Variants in SOX5 observed in about 807,000 individuals in gnomAD.
SOX5 encodes the protein SRY-box transcription factor 5.
Under a neutral mutation model 92.0 loss-of-function variants are expected in SOX5, and 9 were observed. The ratio of observed to expected loss-of-function variants is 0.10; its 90% confidence interval spans 0.06 to 0.17. The LOEUF (loss-of-function observed/expected upper bound fraction) is 0.17. Among genes scored for constraint, SOX5 ranks in the 10% least tolerant of loss-of-function variants. SOX5 has a pLI of 1.00. For synonymous variants in SOX5, 344 were observed against 336.3 expected (o/e 1.02, Z -0.25); for missense variants, 642 against 944.5 (o/e 0.68, Z 4.20).
At chr12:24,010,120 A>G (rs1281843465) in intron 4 of SOX5, among the ~76,000 whole-genome samples, 1 of 152,246 alleles carries the variant, frequency 6.6e-6, no homozygotes. Context: ...CAATTTCTCA[A>G]AACAAGAAAA....
At chr12:24,371,315 C>A (rs1485148404) in intron 1 of SOX5, among the ~76,000 whole-genome samples, 2 of 152,156 alleles carry the variant, frequency 1.3e-5, no homozygotes, top group African/African-American at 4.8e-5. Flanking sequence ...CTGCCAAAAA[C>A]AAGTATAAGT....
At chr12:24,444,698 A>T (rs1192754177) in intron 1 of SOX5, among the ~76,000 whole-genome samples, 4 of 152,152 alleles carry the variant, frequency 2.6e-5, no homozygotes, top group Non-Finnish European at 4.4e-5. Flanking sequence ...ACTCCATCCC[A>T]GAAGCAGCAA....
chr12:24,142,373 C>A (rs906168078), intron 4 of SOX5, among the ~76,000 whole-genome samples: 1 of 152,148 alleles, frequency 6.6e-6, no homozygotes, highest in African/African-American at 2.4e-5. Flanking sequence ...AAAGTGTATA[C>A]TTCAAAGAGA....
upstream of SOX5, chr12:23,949,671 G>A: frequency 6.2e-7 from 1 of 1,612,894 alleles, no homozygotes; most frequent in Non-Finnish European, 8.5e-7. Flanking sequence ...CCTGTCAAGT[G>A]AGTCCAAACC....
chr12:23,931,487 G>A (rs1941393019), intron 1 of SOX5, among the ~76,000 whole-genome samples: 1 of 151,732 alleles, frequency 6.6e-6, no homozygotes, highest in Admixed American at 6.6e-5. Flanking sequence ...TAACTCTTCT[G>A]TTTGAATAGA....
At chr12:24,527,116 A>G (rs192675122) in intron 1 of SOX5, among the ~76,000 whole-genome samples, 2 of 152,210 alleles carry the variant, frequency 1.3e-5, no homozygotes, top group East Asian at 3.9e-4. Flanking sequence ...TTTGTTTTCT[A>G]TCATGTCCAT....
chr12:23,971,415 C>A (rs1432732955), intron 4 of SOX5, among the ~76,000 whole-genome samples: 1 of 151,664 alleles, frequency 6.6e-6, no homozygotes, highest in Non-Finnish European at 1.5e-5. Flanking sequence ...AGCCACCGCG[C>A]CTGGCCATCA....
chr12:23,966,086 C>T (rs543753261), intron 4 of SOX5, among the ~76,000 whole-genome samples: 1 of 151,594 alleles, frequency 6.6e-6, no homozygotes, highest in East Asian at 1.9e-4. Context: ...TTCATAGGAA[C>T]ATATTCAATC....
chr12:23,642,793 A>T (rs2080245864), intron 7 of SOX5, among the ~76,000 whole-genome samples: 1 of 152,000 alleles, frequency 6.6e-6, no homozygotes, highest in Non-Finnish European at 1.5e-5. Context: ...AATCTGTATA[A>T]AAGGTAATTA....
intron 2 of SOX5, chr12:24,331,153 T>G (rs1370192848): frequency 1.3e-5 from 2 of 152,104 alleles, no homozygotes; most frequent in African/African-American, 4.8e-5. Flanking sequence ...AAAAAAAAAT[T>G]TGCCAAAGAA....
chr12:23,595,780 G>T (rs1031402910), intron 9 of SOX5, among the ~76,000 whole-genome samples: 2 of 152,142 alleles, frequency 1.3e-5, no homozygotes, highest in African/African-American at 4.8e-5. Flanking sequence ...AGAACATTGT[G>T]ATATTAAGGC....
chr12:24,367,535 T>C (rs1956294172), intron 2 of SOX5, among the ~76,000 whole-genome samples: 3 of 152,214 alleles, frequency 2.0e-5, no homozygotes. Flanking sequence ...AAATTTATAG[T>C]GTATCCATAA....
At chr12:24,508,496 TA>T (rs1219149404) in intron 1 of SOX5, among the ~76,000 whole-genome samples, 1 of 152,064 alleles carries the variant, frequency 6.6e-6, no homozygotes, top group East Asian at 1.9e-4. Context: ...AGAAAATGGA[TA>T]AAGTCCATGT....
chr12:24,160,852 G>A (rs1952682472), intron 4 of SOX5, among the ~76,000 whole-genome samples: 1 of 151,926 alleles, frequency 6.6e-6, no homozygotes, highest in African/African-American at 2.4e-5. Flanking sequence ...ATTTTTCAGG[G>A]GATGACCTCA....
At chr12:24,151,925 T>A (rs1309025649) in intron 4 of SOX5, among the ~76,000 whole-genome samples, 2 of 152,064 alleles carry the variant, frequency 1.3e-5, no homozygotes, top group African/African-American at 4.8e-5. Context: ...TAAAATATAT[T>A]TATTCTATCA....
At chr12:24,473,039 A>T (rs1283508035) in intron 1 of SOX5, among the ~76,000 whole-genome samples, 1 of 152,132 alleles carries the variant, frequency 6.6e-6, no homozygotes, top group Non-Finnish European at 1.5e-5. Context: ...TATTTGTAGT[A>T]CATTGACTAC....
upstream of SOX5, among the ~76,000 whole-genome samples, chr12:23,953,256 T>C (rs974646526): frequency 2.0e-5 from 3 of 152,126 alleles, no homozygotes; most frequent in African/African-American, 7.2e-5. Flanking sequence ...AATGATCCAA[T>C]CAATACAATG....
intron 1 of SOX5, among the ~76,000 whole-genome samples, chr12:24,486,352 G>A (rs1946529074): frequency 1.3e-5 from 2 of 152,226 alleles, no homozygotes; most frequent in Non-Finnish European, 1.5e-5. Flanking sequence ...ATCCCACCAA[G>A]TAATTAAATT....
chr12:24,073,102 T>C (rs1259722705), intron 4 of SOX5, among the ~76,000 whole-genome samples: 1 of 152,194 alleles, frequency 6.6e-6, no homozygotes, highest in African/African-American at 2.4e-5. Flanking sequence ...CATTTAAAAT[T>C]GTCAATGGTG....
Sources: gnomAD v4.1 joint callset for allele counts (sites outside exome capture counted in the v4.1 genomes callset) on GRCh38, gnomAD v4.1.1 for gene constraint, MANE v1.5 for transcripts, NCBI Gene and HGNC (gene_info 2026-07-23, HGNC 2026-07-21) for gene names.